The following MARCHF1 variants were observed in gnomAD, a reference collection of about 807,000 sequenced individuals.
MARCHF1 encodes E3 ubiquitin-protein ligase MARCHF1.
MARCHF1 carries 40 observed loss-of-function variants against 54.2 expected under a neutral mutation model. The observed-to-expected ratio is 0.74, with a 90% CI of 0.57 to 0.96. The LOEUF (loss-of-function observed/expected upper bound fraction) is 0.96. MARCHF1 is among the 40% of genes least tolerant of loss of function. The pLI is 0.00. For synonymous variants in MARCHF1, 236 were observed against 236.3 expected (o/e 1.00, Z 0.01); for missense variants, 586 against 656.5 (o/e 0.89, Z 1.17).
At position 163,687,947 on chromosome 4, in the gene MARCHF1, A is replaced by C. The variant is rs113476455; in HGVS notation, c.162+12866T>G. Among the ~76,000 whole-genome samples, 271 of 152,336 alleles carry C rather than the reference A, an allele frequency of 1.8e-3. 2 individuals are homozygous for C. Among genetic ancestry groups the C allele is most frequent in the African/African-American group, 6.4e-3 (265 of 41,584 alleles). On this transcript the variant is annotated intron_variant, in intron 5 of 9. Transcript: ENST00000514618. The stretch of plus-strand genomic sequence containing the variant: ...GTAATTAGTGCAATAGAGATTTGAC[A>C]ATTATCCAGTTAATCTGATCAACAA...
chr4:164,017,569 G>T (rs867944892), intron 2 of MARCHF1, among the ~76,000 whole-genome samples: 44 of 151,914 alleles, frequency 2.9e-4, no homozygotes, highest in Middle Eastern at 3.4e-3. Flanking sequence ...ATTTACAATA[G>T]CATCTAAACC....
At chr4:163,853,632 G>T (rs975155224) in intron 4 of MARCHF1, among the ~76,000 whole-genome samples, 2 of 152,062 alleles carry the variant, frequency 1.3e-5, no homozygotes, top group Non-Finnish European at 2.9e-5. Context: ...GAAAAATACA[G>T]AAAGTAGGAT....
At chr4:163,555,554 C>G (rs1347798286) in intron 8 of MARCHF1, among the ~76,000 whole-genome samples, 1 of 151,764 alleles carries the variant, frequency 6.6e-6, no homozygotes, top group Non-Finnish European at 1.5e-5. Flanking sequence ...TGTTTTCTCT[C>G]GGAGGTTATG....
intron 1 of MARCHF1, among the ~76,000 whole-genome samples, chr4:164,285,069 T>C (rs1006841511): frequency 1.3e-5 from 2 of 152,210 alleles, no homozygotes; most frequent in Non-Finnish European, 2.9e-5. Context: ...TGTAGAAATA[T>C]TTTATAATAA....
intron 1 of MARCHF1, among the ~76,000 whole-genome samples, chr4:164,146,750 G>T (rs62350042): frequency 0.38 from 57,593 of 151,962 alleles, 12,364 homozygotes; most frequent in Non-Finnish European, 0.49. Context: ...TACCATTCAG[G>T]ACATAGGCAT....
intron 2 of MARCHF1, among the ~76,000 whole-genome samples, chr4:164,045,567 A>T (rs1029554440): frequency 7.9e-5 from 12 of 151,460 alleles, no homozygotes; most frequent in African/African-American, 2.9e-4. Context: ...TTATTTACCA[A>T]ATTTTAAGGA....
intron 1 of MARCHF1, among the ~76,000 whole-genome samples, chr4:164,265,085 T>C (rs886701403): frequency 3.3e-5 from 5 of 152,168 alleles, no homozygotes; most frequent in African/African-American, 1.2e-4. Flanking sequence ...TTATTTTGTA[T>C]GCAATGACAA....
At chr4:164,173,561 T>G (rs1004885857) in intron 1 of MARCHF1, among the ~76,000 whole-genome samples, 1 of 152,160 alleles carries the variant, frequency 6.6e-6, no homozygotes, top group African/African-American at 2.4e-5. Context: ...GTGGGAGGTG[T>G]TTGGGTCATG....
intron 1 of MARCHF1, among the ~76,000 whole-genome samples, chr4:164,183,136 G>T (rs1233278850): frequency 6.6e-6 from 1 of 151,922 alleles, no homozygotes; most frequent in Non-Finnish European, 1.5e-5. Context: ...AATTTTAACA[G>T]GTTATATGAC....
At chr4:163,958,359 G>T (rs931062977) in intron 3 of MARCHF1, among the ~76,000 whole-genome samples, 2 of 151,866 alleles carry the variant, frequency 1.3e-5, no homozygotes, top group East Asian at 1.9e-4. Context: ...GATGACTGTT[G>T]TTACAAAGTT....
chr4:164,071,814 C>CAT (rs1377051214), intron 2 of MARCHF1, among the ~76,000 whole-genome samples: 1 of 152,106 alleles, frequency 6.6e-6, no homozygotes, highest in African/African-American at 2.4e-5. Flanking sequence ...CCACACGGCA[C>CAT]ATATATGTAA....
At chr4:163,762,959 CCA>C (rs1746869753) in intron 4 of MARCHF1, among the ~76,000 whole-genome samples, 1 of 152,050 alleles carries the variant, frequency 6.6e-6, no homozygotes, top group Admixed American at 6.6e-5. Flanking sequence ...ACAATATAAA[CCA>C]CAGAGGCAAA....
intron 1 of MARCHF1, among the ~76,000 whole-genome samples, chr4:164,249,563 T>C (rs1049851748): frequency 3.9e-5 from 6 of 152,096 alleles, no homozygotes; most frequent in African/African-American, 1.2e-4. Flanking sequence ...GAATTTTATT[T>C]TGTAGATATC....
intron 3 of MARCHF1, among the ~76,000 whole-genome samples, chr4:163,973,928 G>A (rs1201656319): frequency 6.6e-6 from 1 of 152,128 alleles, no homozygotes; most frequent in African/African-American, 2.4e-5. Flanking sequence ...CCTCTGTATA[G>A]CACAGTAGGA....
chr4:163,565,360 T>C (rs1429845711), intron 8 of MARCHF1, among the ~76,000 whole-genome samples: 1 of 152,182 alleles, frequency 6.6e-6, no homozygotes, highest in Non-Finnish European at 1.5e-5. Flanking sequence ...TAAAAGATGA[T>C]TGTGACAAGG....
chr4:163,767,005 T>C (rs567884421), intron 4 of MARCHF1, among the ~76,000 whole-genome samples: 166 of 151,530 alleles, frequency 1.1e-3, no homozygotes, highest in Non-Finnish European at 1.8e-3. Context: ...GGCCAAGCAT[T>C]AGGACATATT....
chr4:164,004,246 C>CATATATATATATATAT (rs70948686), intron 2 of MARCHF1, among the ~76,000 whole-genome samples: 2 of 149,978 alleles, frequency 1.3e-5, no homozygotes. Flanking sequence ...TGTTTACATA[C>CATATATATATATATAT]ATATATATAT....
chr4:164,118,846 G>T (rs564072534), intron 1 of MARCHF1, among the ~76,000 whole-genome samples: 1 of 149,860 alleles, frequency 6.7e-6, no homozygotes, highest in East Asian at 2.0e-4. Context: ...GAAAGAAAAA[G>T]TCACAATAAA....
chr4:163,602,290 T>G (rs1052078687), intron 7 of MARCHF1, among the ~76,000 whole-genome samples: 3 of 152,144 alleles, frequency 2.0e-5, no homozygotes, highest in African/African-American at 7.2e-5. Flanking sequence ...ATCTGAATAT[T>G]TACTGACAAC....
Sources: gnomAD v4.1 joint callset for allele counts (sites outside exome capture counted in the v4.1 genomes callset) on GRCh38, gnomAD v4.1.1 for gene constraint, MANE v1.5 for transcripts, NCBI Gene and HGNC (gene_info 2026-07-23, HGNC 2026-07-21) for gene names.